Variants in LPP observed in about 807,000 individuals in gnomAD.
The protein encoded by LPP is lipoma-preferred partner.
In LPP, 38 loss-of-function variants were observed where a neutral mutation model predicts 60.4. That is an observed-to-expected ratio of 0.63 (90% CI 0.49 to 0.83). The LOEUF (loss-of-function observed/expected upper bound fraction) is 0.83, where lower values mean the gene tolerates loss of function less well. LPP is among the 40% of genes least tolerant of loss of function. The pLI is 0.00. For synonymous variants in LPP, 328 were observed against 290.8 expected (o/e 1.13, Z -1.30); for missense variants, 902 against 783.6 (o/e 1.15, Z -1.80).
chr3:188,470,435 C>T (rs1801568450), intron 4 of LPP, among the ~76,000 whole-genome samples: 1 of 146,720 alleles, frequency 6.8e-6, no homozygotes, highest in Non-Finnish European at 1.5e-5. Flanking sequence ...GTCAAAAATT[C>T]CTGCATATAC....
intron 8 of LPP, among the ~76,000 whole-genome samples, chr3:188,757,734 AT>A (rs1392016153): frequency 1.3e-5 from 2 of 152,178 alleles, no homozygotes; most frequent in Non-Finnish European, 2.9e-5. Context: ...GGAATCTAAT[AT>A]GCTTTTAATA....
At chr3:188,414,964 G>C (rs1315446246) in intron 4 of LPP, among the ~76,000 whole-genome samples, 1 of 152,128 alleles carries the variant, frequency 6.6e-6, no homozygotes, top group Non-Finnish European at 1.5e-5. Context: ...AGAACAAGGA[G>C]AAGTCCCTGT....
intron 7 of LPP, among the ~76,000 whole-genome samples, chr3:188,706,295 G>C (rs1865467554): frequency 6.6e-6 from 1 of 152,160 alleles, no homozygotes; most frequent in African/African-American, 2.4e-5. Context: ...TTAGCATAAT[G>C]GTTCTTCAGA....
chr3:188,400,522 G>C (rs1391977107), intron 3 of LPP, among the ~76,000 whole-genome samples: 1 of 152,148 alleles, frequency 6.6e-6, no homozygotes, highest in Non-Finnish European at 1.5e-5. Context: ...TCTTAGGACC[G>C]CTGGGGGAAC....
At chr3:188,396,336 CAG>C (rs1560348279) in intron 3 of LPP, among the ~76,000 whole-genome samples, 1 of 152,098 alleles carries the variant, frequency 6.6e-6, no homozygotes, top group East Asian at 1.9e-4. Flanking sequence ...AAAATACAAA[CAG>C]AATCATTAAA....
chr3:188,456,148 A>T (rs1797688368), intron 4 of LPP, among the ~76,000 whole-genome samples: 1 of 152,174 alleles, frequency 6.6e-6, no homozygotes, highest in Non-Finnish European at 1.5e-5. Context: ...CTCCCCAACC[A>T]CTGCGATTAC....
intron 9 of LPP, among the ~76,000 whole-genome samples, chr3:188,807,499 C>T (rs546827996): frequency 1.3e-5 from 2 of 151,962 alleles, no homozygotes; most frequent in African/African-American, 4.8e-5. Context: ...CTTTGGAGTT[C>T]TAACTACATA....
intron 2 of LPP, among the ~76,000 whole-genome samples, chr3:188,246,258 G>C (rs1388834343): frequency 6.6e-6 from 1 of 151,852 alleles, no homozygotes; most frequent in African/African-American, 2.4e-5. Flanking sequence ...GATATGTCTA[G>C]GTGTCTATTT....
intron 2 of LPP, among the ~76,000 whole-genome samples, chr3:188,233,995 C>A (rs1227015416): frequency 2.6e-5 from 4 of 152,098 alleles, no homozygotes; most frequent in Non-Finnish European, 5.9e-5. Context: ...TTTTCTTCTG[C>A]TAAAGGCATA....
intron 5 of LPP, among the ~76,000 whole-genome samples, chr3:188,510,065 T>C (rs766669688): frequency 3.3e-5 from 5 of 152,018 alleles, no homozygotes; most frequent in Non-Finnish European, 7.4e-5. Context: ...GAGTAAATAG[T>C]AGACATTTGA....
rs138547126 is a variant in LPP at position 188,826,987 on chromosome 3, A to C, written c.1411-39213A>C. Among the ~76,000 whole-genome samples, 19 of 152,306 alleles carry C rather than the reference A, an allele frequency of 1.2e-4. No individual in the cohort carries two copies. The East Asian group carries it at 3.5e-3, about 28-fold the overall frequency. On this transcript the variant is annotated intron_variant, in intron 9 of 11. Transcript: ENST00000617246. ...CTGTTAAGAGAATACATAATGAAAAAGTAAATGAATAAATGGCAGAAACCT... is the reference window on the plus strand; with the variant it reads ...CTGTTAAGAGAATACATAATGAAAACGTAAATGAATAAATGGCAGAAACCT...
At chr3:188,661,153 T>C (rs975551123) in intron 7 of LPP, among the ~76,000 whole-genome samples, 3 of 152,198 alleles carry the variant, frequency 2.0e-5, no homozygotes, top group African/African-American at 7.2e-5. Context: ...CATCCATGTC[T>C]TCTCATGGCT....
At chr3:188,867,264 T>C (rs1000958983) in intron 10 of LPP, among the ~76,000 whole-genome samples, 1 of 148,208 alleles carries the variant, frequency 6.7e-6, no homozygotes, top group Non-Finnish European at 1.5e-5. Flanking sequence ...TATATATATG[T>C]TTATATATAT....
At chr3:188,867,034 T>C (rs933027413) in intron 10 of LPP, among the ~76,000 whole-genome samples, 1 of 152,160 alleles carries the variant, frequency 6.6e-6, no homozygotes, top group Admixed American at 6.5e-5. Context: ...AATTGTGTGT[T>C]CTTTTGAGGA....
intron 9 of LPP, among the ~76,000 whole-genome samples, chr3:188,819,063 T>TGC (rs1157582868): frequency 6.6e-6 from 1 of 150,594 alleles, no homozygotes; most frequent in Non-Finnish European, 1.5e-5. Flanking sequence ...TGTGTGTGTG[T>TGC]GTGTGTGTTA....
chr3:188,834,275 A>G (rs1428755593), intron 9 of LPP, among the ~76,000 whole-genome samples: 4 of 140,460 alleles, frequency 2.8e-5, no homozygotes, highest in African/African-American at 1.1e-4. Flanking sequence ...CTTTGTTTTC[A>G]TCAAACTTAT....
In LPP at chr3:188,708,254, T is replaced by C. The variant is rs1277054996; in HGVS notation, c.1114-13T>C. 6.2e-7 allele frequency: 1 copy of C among 1,613,888 alleles called. No individual in the cohort carries two copies. Among genetic ancestry groups the C allele is most frequent in the Non-Finnish European group, 8.5e-7 (1 of 1,179,884 alleles). On this transcript the variant is annotated splice_polypyrimidine_tract_variant and intron_variant, in intron 7 of 11. Transcript: ENST00000617246. ...GGTGGCAATTAAAGGACTGTGTGCT[T>C]TCTGCCTTTCAGGGTGGCCATTCAG... is the stretch of plus-strand genomic sequence containing the variant.
At chr3:188,359,355 G>A (rs935733670) in intron 3 of LPP, among the ~76,000 whole-genome samples, 3 of 152,180 alleles carry the variant, frequency 2.0e-5, no homozygotes, top group African/African-American at 7.2e-5. Context: ...AGGAGTCTCA[G>A]CTCTTGAAAT....
chr3:188,153,224 T>G (rs908817500), upstream of LPP: 2 of 152,204 alleles, frequency 1.3e-5, no homozygotes, highest in Admixed American at 6.5e-5. Context: ...GGAACCCAAG[T>G]GGGAGGCAGA....
Sources: gnomAD v4.1 joint callset for allele counts (sites outside exome capture counted in the v4.1 genomes callset) on GRCh38, gnomAD v4.1.1 for gene constraint, MANE v1.5 for transcripts, NCBI Gene and HGNC (gene_info 2026-07-23, HGNC 2026-07-21) for gene names.